Variants in PRKAG2 observed in about 807,000 individuals in gnomAD.
The protein encoded by PRKAG2 is protein kinase AMP-activated non-catalytic subunit gamma 2.
PRKAG2 carries 26 observed loss-of-function variants against 69.6 expected under a neutral mutation model. That is an observed-to-expected ratio of 0.37 (90% CI 0.27 to 0.52). The LOEUF is 0.52. PRKAG2 is among the 20% of genes least tolerant of loss of function. The probability of loss-of-function intolerance (pLI) is 0.90; values close to 1 mark genes in which losing one functional copy is unlikely to be tolerated. For synonymous variants in PRKAG2, 293 were observed against 285.0 expected, an observed-to-expected ratio of 1.03 and a Z score of -0.28; for missense variants, 557 against 740.0, an observed-to-expected ratio of 0.75 and a Z score of 2.87.
At chr7:151,823,818 C>G (rs1349535546) in intron 1 of PRKAG2, among the ~76,000 whole-genome samples, 1 of 152,118 alleles carries the variant, frequency 6.6e-6, no homozygotes, top group Non-Finnish European at 1.5e-5. Context: ...ATTCGTCTAC[C>G]TGGAGAGAAA....
chr7:151,863,814 G>A (rs768326820), intron 1 of PRKAG2, among the ~76,000 whole-genome samples: 1 of 151,766 alleles, frequency 6.6e-6, no homozygotes, highest in Non-Finnish European at 1.5e-5. Flanking sequence ...AGCAGGCTGA[G>A]GTAAGAGGAT....
chr7:151,721,388 A>G lies in PRKAG2; in HGVS notation c.467-45751T>C, dbSNP rs369009644. 8.8e-3 allele frequency among the ~76,000 whole-genome samples: 1,178 copies of G among 133,688 alleles called. 14 individuals carry two copies. Among genetic ancestry groups the G allele is most frequent in the Non-Finnish European group, 0.01 (627 of 60,160 alleles). The allele number at this position is 133,688 out of a possible 152,430, so 87.7% of individuals were successfully genotyped here. A position where few individuals can be genotyped will look rare whatever the true frequency, so the allele number is the denominator to read the frequency against. On this transcript the variant is annotated intron_variant, in intron 3 of 15. Transcript: ENST00000287878. ...AAGGGCTGAAGACAGGGCCAGGGCC[A>G]GGGCCGGGGCCAGGGCCGGGGCCGA...
intron 1 of PRKAG2, among the ~76,000 whole-genome samples, chr7:151,789,103 C>T (rs1053599042): frequency 2.0e-5 from 3 of 152,006 alleles, no homozygotes; most frequent in African/African-American, 7.2e-5. Context: ...CTTTGTTCTT[C>T]TTTTTTTCAA....
At chr7:151,697,321 G>A (rs1271584818) in intron 3 of PRKAG2, among the ~76,000 whole-genome samples, 1 of 152,188 alleles carries the variant, frequency 6.6e-6, no homozygotes, top group Non-Finnish European at 1.5e-5. Context: ...CCGAGCATCA[G>A]GGGGCGCTGC....
At chr7:151,689,026 G>A (rs1835214644) in intron 3 of PRKAG2, among the ~76,000 whole-genome samples, 2 of 152,176 alleles carry the variant, frequency 1.3e-5, no homozygotes, top group South Asian at 4.1e-4. Flanking sequence ...AGAAAATGTG[G>A]CTGAAAATGA....
chr7:151,765,542 C>T (rs1181602913), intron 3 of PRKAG2, among the ~76,000 whole-genome samples: 1 of 152,190 alleles, frequency 6.6e-6, no homozygotes, highest in Non-Finnish European at 1.5e-5. Context: ...GGCACCAGGG[C>T]ATCCCCGTCT....
At chr7:151,568,218 A>C (rs1046616108) in intron 11 of PRKAG2, among the ~76,000 whole-genome samples, 3 of 152,220 alleles carry the variant, frequency 2.0e-5, no homozygotes, top group Non-Finnish European at 4.4e-5. Flanking sequence ...CCTTATTTGG[A>C]CCAACATGGT....
At chr7:151,576,274 A>T in intron 7 of PRKAG2, 97 bp downstream of exon 7, 1 of 1,108,256 alleles carries the variant, frequency 9.0e-7, no homozygotes, top group Non-Finnish European at 1.3e-6. Flanking sequence ...AAACATGTTT[A>T]CTAGGTTGAA....
In PRKAG2 at chr7:151,814,317, C is replaced by T. The variant is rs2078570696; in HGVS notation, c.115-27776G>A. On this transcript the variant is annotated intron_variant, in intron 1 of 15. Transcript: ENST00000287878. The surrounding 1 kb of genome is among the most constrained non-coding windows in gnomAD (Gnocchi z 4.8). ...AAGCCACAATTCAGCATCAGTCTTACACACCAAGGAGACAAAGCATCGTGA... is the reference window on the plus strand; with the variant it reads ...AAGCCACAATTCAGCATCAGTCTTATACACCAAGGAGACAAAGCATCGTGA... 2 of 845,584 alleles carry T rather than the reference C, an allele frequency of 2.4e-6. No homozygotes were observed. Among genetic ancestry groups the T allele is most frequent in the Admixed American group, 4.9e-5 (1 of 20,556 alleles). The allele number at this position is 845,584 out of a possible 1,614,324, so 52.4% of individuals were successfully genotyped here.
rs1209697333 is a variant in PRKAG2 at position 151,842,324 on chromosome 7, T to C, written c.114+34183A>G. Among the ~76,000 whole-genome samples, 10 of 131,108 alleles carry C rather than the reference T, an allele frequency of 7.6e-5. 1 individual carries two copies. The highest frequency in any genetic ancestry group is 1.8e-4 in the African/African-American group (6 of 33,252). The allele number at this position is 131,108 out of a possible 152,430, so 86.0% of individuals were successfully genotyped here. On this transcript the variant is annotated intron_variant, in intron 1 of 15. Transcript: ENST00000287878. ...ATGGTAGTGATGGTGGGGATGGTAG[T>C]GATGGTAGGTAGTGATGATGGTAGC...
chr7:151,725,560 G>GA (rs1019164782), intron 3 of PRKAG2, among the ~76,000 whole-genome samples: 508 of 125,670 alleles, frequency 4.0e-3, no homozygotes, highest in Middle Eastern at 0.016. Flanking sequence ...CCGCAGTGAA[G>GA]AAAAAAAAAA....
At chr7:151,813,390 C>G (rs1423963747) in intron 1 of PRKAG2, among the ~76,000 whole-genome samples, 1 of 151,604 alleles carries the variant, frequency 6.6e-6, no homozygotes, top group African/African-American at 2.4e-5. Flanking sequence ...GGAGGGGGGT[C>G]AAGCGACCCC....
intron 3 of PRKAG2, among the ~76,000 whole-genome samples, chr7:151,709,612 C>T (rs1014537668): frequency 3.9e-5 from 6 of 151,950 alleles, no homozygotes; most frequent in East Asian, 1.9e-4. Flanking sequence ...TACTGAATGA[C>T]GAGTGACACT....
intron 5 of PRKAG2, among the ~76,000 whole-genome samples, chr7:151,610,000 G>A (rs1360200719): frequency 6.6e-6 from 1 of 152,150 alleles, no homozygotes; most frequent in Non-Finnish European, 1.5e-5. Context: ...CTACCCCGGA[G>A]GCTGCCAACA....
At chr7:151,575,441 C>T (rs1212189284) in intron 7 of PRKAG2, among the ~76,000 whole-genome samples, 2 of 152,092 alleles carry the variant, frequency 1.3e-5, no homozygotes, top group Non-Finnish European at 2.9e-5. Context: ...AACTTCTTCC[C>T]TGATGAAATT....
chr7:151,604,333 C>T (rs1816957210), intron 5 of PRKAG2, among the ~76,000 whole-genome samples: 9 of 152,162 alleles, frequency 5.9e-5, no homozygotes, highest in Admixed American at 5.2e-4. Context: ...AGTTAAGCAG[C>T]CAAGAAAATC....
rs113764475 is a variant in PRKAG2 at position 151,731,522 on chromosome 7, C to CTGTGTG, written c.466+49624_466+49629dup. Among the ~76,000 whole-genome samples the CTGTGTG allele has an allele frequency of 6.1e-3, 652 of 107,762 alleles. 5 individuals carry two copies. Among genetic ancestry groups the CTGTGTG allele is most frequent in the African/African-American group, 0.018 (619 of 34,584 alleles). 70.7% of individuals were successfully genotyped at this position (107,762 alleles called of 152,430 possible). Reference sequence around the variant, plus strand: ...TGATTTGATGGCTGTGGGGAGAGCTCTGTGTGTGTGTGTGCGCACAGGTAC... The same window carrying CTGTGTG: ...TGATTTGATGGCTGTGGGGAGAGCTCTGTGTGTGTGTGTGTGTGTGCGCACAGGTAC... On this transcript the variant is annotated intron_variant, in intron 3 of 15. Transcript: ENST00000287878.
rs1299460982 is a variant in PRKAG2, at chr7:151,638,491, G to A, written c.685-6353C>T. Among the ~76,000 whole-genome samples the A allele has an allele frequency of 2.6e-5, 4 of 152,126 alleles. No homozygotes were observed. Among genetic ancestry groups the A allele is most frequent in the East Asian group, 3.9e-4 (2 of 5,172 alleles). On this transcript the variant is annotated intron_variant, in intron 4 of 15. Transcript: ENST00000287878. The surrounding 1 kb of genome is among the most constrained non-coding windows in gnomAD (Gnocchi z 4.3). The stretch of plus-strand genomic sequence containing the variant: ...TCTACTAAAAATACAAAAATTAGCC[G>A]GGCATGGTTGCGCACACCTGTAGTC...
intron 1 of PRKAG2, among the ~76,000 whole-genome samples, chr7:151,808,953 G>A (rs6464172): frequency 0.5 from 75,883 of 152,056 alleles, 19,752 homozygotes; most frequent in African/African-American, 0.64. Context: ...TGGGAGCACG[G>A]TTCTCTCCCG....
Sources: allele counts gnomAD v4.1 joint callset (sites outside exome capture counted in the v4.1 genomes callset), GRCh38; gene constraint gnomAD v4.1.1; non-coding constraint Gnocchi (gnomAD v3.1); transcripts MANE v1.5; gene names NCBI Gene and HGNC (gene_info 2026-07-23, HGNC 2026-07-21).